Variants in NEDD4L observed in about 807,000 individuals in gnomAD.
NEDD4L encodes the protein E3 ubiquitin-protein ligase NEDD4-like.
NEDD4L carries 54 observed loss-of-function variants against 148.9 expected under a neutral mutation model. The observed-to-expected ratio is 0.36, with a 90% CI of 0.29 to 0.45. The LOEUF is 0.45. Ranked by LOEUF, NEDD4L falls within the 20% of genes least tolerant of loss-of-function variation. NEDD4L has a pLI of 1.00. For missense variants in NEDD4L, 856 were observed against 1,233.8 expected, an observed-to-expected ratio of 0.69 and a Z score of 4.59; for synonymous variants, 433 against 440.7, an observed-to-expected ratio of 0.98 and a Z score of 0.22.
At chr18:58,107,989 G>A (rs1329548088) in intron 1 of NEDD4L, among the ~76,000 whole-genome samples, 1 of 152,112 alleles carries the variant, frequency 6.6e-6, no homozygotes, top group Non-Finnish European at 1.5e-5. Context: ...CAAAGTACTG[G>A]GATTACAGGC....
intron 2 of NEDD4L, 22 bp from the exon 3 acceptor site, chr18:58,245,405 A>G: frequency 8.2e-7 from 1 of 1,213,336 alleles, no homozygotes; most frequent in South Asian, 1.3e-5. Context: ...AATCCTATTA[A>G]ATCTAAAATA....
At chr18:58,354,654 A>G (rs946295787) in intron 18 of NEDD4L, among the ~76,000 whole-genome samples, 5 of 152,220 alleles carry the variant, frequency 3.3e-5, no homozygotes, top group Non-Finnish European at 7.3e-5. Flanking sequence ...ACTGGTCTTA[A>G]GTGGTAGAGA....
intron 2 of NEDD4L, among the ~76,000 whole-genome samples, chr18:58,235,190 T>C (rs958137151): frequency 6.6e-6 from 1 of 152,070 alleles, no homozygotes; most frequent in African/African-American, 2.4e-5. Flanking sequence ...TACACATAAT[T>C]GTATACCAGT....
chr18:58,082,445 C>A (rs1015030940), intron 1 of NEDD4L, among the ~76,000 whole-genome samples: 47 of 151,124 alleles, frequency 3.1e-4, no homozygotes, highest in African/African-American at 1.1e-3. Flanking sequence ...TTGTATGCTG[C>A]CTCTTAAATC....
intron 1 of NEDD4L, among the ~76,000 whole-genome samples, chr18:58,138,355 TCC>T (rs2033096435): frequency 8.9e-6 from 1 of 111,862 alleles, no homozygotes; most frequent in East Asian, 2.7e-4. Flanking sequence ...TTCCCTCCCC[TCC>T]TCCTCTTCCC....
rs1290959844 is a variant in NEDD4L at position 58,104,961 on chromosome 18, C to T, written c.48+60253C>T. 4.7e-5 allele frequency among the ~76,000 whole-genome samples: 7 copies of T among 149,770 alleles called. No individual in the cohort carries two copies. In the Admixed American group the frequency reaches 4.8e-4, roughly 10 times the overall value. ...CTACAATAGAAAAAGATGTGCTGGG[C>T]TTGCTGTGAAAAAGCAGAGGAAGTT... On this transcript the variant is annotated intron_variant, in intron 1 of 30. Coordinates refer to ENST00000400345, the MANE Select transcript of NEDD4L (RefSeq NM_001144967.3).
rs1568964410 is a variant in NEDD4L at position 58,396,225 on chromosome 18, C to T, written c.2884C>T (p.Leu962Phe). Residue 962 changes from leucine (L) to phenylalanine (F), a missense_variant, in exon 31 of 31, where the codon CTC becomes TTC. Leu to Phe is a conservative substitution (Grantham distance 22, BLOSUM62 0). Coordinates refer to ENST00000400345, the MANE Select transcript of NEDD4L (RefSeq NM_001144967.3). ...CTTTGAAGATTTACGAGAGAAACTT[C>T]TCATGGCCGTGGAAAATGCTCAAGG... is the stretch of plus-strand genomic sequence containing the variant. ...ETFEDLREKL[L>F]MAVENAQGFE... is the part of the protein sequence containing the mutation. 6.2e-7 allele frequency: 1 copy of T among 1,613,658 alleles called. No homozygotes were observed. The highest frequency in any genetic ancestry group is 1.7e-5 in the Admixed American group (1 of 60,008).
intron 2 of NEDD4L, among the ~76,000 whole-genome samples, chr18:58,234,929 G>A (rs1174982154): frequency 6.6e-6 from 1 of 152,146 alleles, no homozygotes; most frequent in Non-Finnish European, 1.5e-5. Flanking sequence ...CTCCATGTGA[G>A]GGAGGAATCC....
chr18:58,268,408 C>T (rs530146555), intron 5 of NEDD4L, among the ~76,000 whole-genome samples: 2 of 152,178 alleles, frequency 1.3e-5, no homozygotes, highest in South Asian at 2.1e-4. Context: ...GAAAGATGGC[C>T]TCCCATCAGT....
chr18:58,330,946 G>A, intron 11 of NEDD4L, 32 bp downstream of exon 11: 10 of 1,604,636 alleles, frequency 6.2e-6, no homozygotes, highest in Non-Finnish European at 6.8e-6. Context: ...AAGAAAAGCT[G>A]AGCAATGTTT....
At position 58,362,211 on chromosome 18, in the gene NEDD4L, T is replaced by C. The variant is rs182211636; in HGVS notation, c.1768-2057T>C. Reference sequence around the variant, plus strand: ...GGGCCACATGTTGAAATCTGCTCCTTGGGGAATTTGTCATTTAAGACAGTC... The same window carrying C: ...GGGCCACATGTTGAAATCTGCTCCTCGGGGAATTTGTCATTTAAGACAGTC... On this transcript the variant is annotated intron_variant, in intron 19 of 30. Coordinates refer to ENST00000400345, the MANE Select transcript of NEDD4L (RefSeq NM_001144967.3). 6.4e-4 allele frequency among the ~76,000 whole-genome samples: 98 copies of C among 152,292 alleles called. 1 individual carries two copies. Among genetic ancestry groups the C allele is most frequent in the Non-Finnish European group, 2.6e-4 (18 of 68,014 alleles).
chr18:58,113,839 C>A (rs187910976), intron 1 of NEDD4L, among the ~76,000 whole-genome samples: 1 of 151,718 alleles, frequency 6.6e-6, no homozygotes, highest in African/African-American at 2.4e-5. Flanking sequence ...GGGTTGGTGG[C>A]AAGAATAGAT....
At chr18:58,092,077 G>T (rs1181151531) in intron 1 of NEDD4L, among the ~76,000 whole-genome samples, 1 of 152,236 alleles carries the variant, frequency 6.6e-6, no homozygotes, top group Non-Finnish European at 1.5e-5. Flanking sequence ...TCCAAGCCAG[G>T]TAAATAAATC....
chr18:58,114,361 TACACAC>T, intron 1 of NEDD4L, among the ~76,000 whole-genome samples: 1 of 150,898 alleles, frequency 6.6e-6, no homozygotes, highest in African/African-American at 2.4e-5. Context: ...TATATATATA[TACACAC>T]ACACACACAC....
chr18:58,318,139 A>G (rs907973984), intron 6 of NEDD4L, among the ~76,000 whole-genome samples: 1 of 152,116 alleles, frequency 6.6e-6, no homozygotes, highest in South Asian at 2.1e-4. Context: ...GGGCGGGAGC[A>G]TATGCGTGTA....
intron 1 of NEDD4L, among the ~76,000 whole-genome samples, chr18:58,110,070 A>G (rs1239127613): frequency 6.6e-6 from 1 of 152,126 alleles, no homozygotes; most frequent in Non-Finnish European, 1.5e-5. Flanking sequence ...GCTGCCCTAC[A>G]GCAGCCCAGG....
At chr18:58,391,658 G>C (rs2049849948) in intron 30 of NEDD4L, 99 bp downstream of exon 30, 7 of 797,552 alleles carry the variant, frequency 8.8e-6, no homozygotes, top group Non-Finnish European at 1.4e-5. Context: ...TTTCCTGTCT[G>C]TAAGTAGCTT....
chr18:58,367,363 GAATT>G (rs2046248663), intron 21 of NEDD4L: 1 of 177,214 alleles, frequency 5.6e-6, no homozygotes, highest in Admixed American at 5.7e-5. Context: ...CCTCTGGAAG[GAATT>G]AAACTTCCTT....
chr18:58,185,805 A>T (rs573457526), intron 2 of NEDD4L, among the ~76,000 whole-genome samples: 3 of 152,116 alleles, frequency 2.0e-5, no homozygotes, highest in Non-Finnish European at 4.4e-5. Context: ...CCCAGGAGGC[A>T]GAGGTTGCAG....
Sources: gnomAD v4.1 joint callset for allele counts (sites outside exome capture counted in the v4.1 genomes callset) on GRCh38, gnomAD v4.1.1 for gene constraint, MANE v1.5 for transcripts, NCBI Gene and HGNC (gene_info 2026-07-23, HGNC 2026-07-21) for gene names.